CMSS1: variants seen among roughly 807,000 people sequenced by gnomAD.
The protein encoded by CMSS1 is protein CMSS1.
CMSS1 carries 33 observed loss-of-function variants against 43.5 expected under a neutral mutation model. The observed-to-expected ratio is 0.76, with a 90% CI of 0.57 to 1.01. CMSS1 has a LOEUF of 1.01. CMSS1 is among the 50% of genes least tolerant of loss of function. The pLI is 0.00. For synonymous variants in CMSS1, 115 were observed against 117.2 expected, an observed-to-expected ratio of 0.98 and a Z score of 0.12; for missense variants, 313 against 326.4, an observed-to-expected ratio of 0.96 and a Z score of 0.32.
At chr3:100,122,408 C>T (rs1018124176) in intron 1 of CMSS1, among the ~76,000 whole-genome samples, 1 of 152,230 alleles carries the variant, frequency 6.6e-6, no homozygotes, top group Admixed American at 6.5e-5. Flanking sequence ...ACAAGACTGG[C>T]ACCCAGGGTA....
chr3:100,102,267 T>G (rs1013153636), intron 1 of CMSS1, among the ~76,000 whole-genome samples: 2 of 152,250 alleles, frequency 1.3e-5, no homozygotes, highest in African/African-American at 4.8e-5. Context: ...TTTCTCCACA[T>G]CCTCTCCAGC....
At chr3:99,840,945 G>A (rs939621521) in intron 1 of CMSS1, among the ~76,000 whole-genome samples, 1 of 152,196 alleles carries the variant, frequency 6.6e-6, no homozygotes, top group South Asian at 2.1e-4. Context: ...GAGATTGACA[G>A]TTTCCCACTT....
rs184423486 is a variant in CMSS1 at position 99,922,731 on chromosome 3, G to A, written c.64+104688G>A. Among the ~76,000 whole-genome samples, 3 of 152,236 alleles carry A rather than the reference G, an allele frequency of 2.0e-5. No individual in the cohort carries two copies. The East Asian group carries it at 5.8e-4, about 29-fold the overall frequency. On this transcript the variant is annotated intron_variant, in intron 1 of 9. Coordinates refer to ENST00000421999, the MANE Select transcript of CMSS1 (RefSeq NM_032359.4). ...TATGGATGCTTATACTGTCTACAGT[G>A]GTTCAGAATAGAGGGTCAAAGTAGA... is the stretch of plus-strand genomic sequence containing the variant.
chr3:99,994,751 G>T (rs945622138), intron 1 of CMSS1, among the ~76,000 whole-genome samples: 1 of 152,130 alleles, frequency 6.6e-6, no homozygotes, highest in African/African-American at 2.4e-5. Flanking sequence ...GAGGCAAAAG[G>T]CACTTCTTAC....
At chr3:100,062,191 A>C (rs1390672780) in intron 1 of CMSS1, among the ~76,000 whole-genome samples, 2 of 137,486 alleles carry the variant, frequency 1.5e-5, no homozygotes, top group East Asian at 4.3e-4. Flanking sequence ...GGCTCACTGC[A>C]AGCTCCGCCT....
chr3:100,125,160 A>G (rs1030393881), intron 1 of CMSS1, among the ~76,000 whole-genome samples: 1 of 152,162 alleles, frequency 6.6e-6, no homozygotes, highest in African/African-American at 2.4e-5. Context: ...CACACCATTT[A>G]TTCCCTGGCT....
At chr3:100,065,312 C>T (rs933897944) in intron 1 of CMSS1, among the ~76,000 whole-genome samples, 1 of 152,130 alleles carries the variant, frequency 6.6e-6, no homozygotes, top group Non-Finnish European at 1.5e-5. Context: ...AACCATTGCT[C>T]TAAATTGCAA....
intron 1 of CMSS1, among the ~76,000 whole-genome samples, chr3:99,963,405 G>C (rs1708550989): frequency 6.6e-6 from 1 of 152,104 alleles, no homozygotes; most frequent in Non-Finnish European, 1.5e-5. Flanking sequence ...GTAAAAATAA[G>C]AGTGGGCTGT....
intron 1 of CMSS1, among the ~76,000 whole-genome samples, chr3:99,999,755 T>C (rs1709788627): frequency 6.6e-6 from 1 of 152,222 alleles, no homozygotes; most frequent in Non-Finnish European, 1.5e-5. Context: ...TCATGGTCTC[T>C]TGCTCAATGG....
chr3:99,880,738 G>A (rs1320559355), intron 1 of CMSS1, among the ~76,000 whole-genome samples: 2 of 151,958 alleles, frequency 1.3e-5, no homozygotes, highest in Non-Finnish European at 1.5e-5. Context: ...TTTGGAAAAT[G>A]CATAAAAGTA....
rs141077616 is a variant in CMSS1, at chr3:100,089,943, G to A, written c.65-57030G>A. 4.6e-3 allele frequency among the ~76,000 whole-genome samples: 707 copies of A among 152,258 alleles called. 2 individuals are homozygous for A. Among genetic ancestry groups the A allele is most frequent in the South Asian group, 7.1e-3 (34 of 4,822 alleles). ...CAGATGATCTCTAAGACCTCCTCTAGTACTGAACAAAATTGGAGGGAGGAA... is the reference window on the plus strand; with the variant it reads ...CAGATGATCTCTAAGACCTCCTCTAATACTGAACAAAATTGGAGGGAGGAA... On this transcript the variant is annotated intron_variant, in intron 1 of 9. Coordinates refer to ENST00000421999, the MANE Select transcript of CMSS1 (RefSeq NM_032359.4).
intron 1 of CMSS1, among the ~76,000 whole-genome samples, chr3:99,966,577 A>G (rs1354986956): frequency 6.6e-6 from 1 of 152,204 alleles, no homozygotes; most frequent in Non-Finnish European, 1.5e-5. Context: ...AACAAGTAGG[A>G]CAACTATTAT....
chr3:99,957,162 G>A (rs1708343767), intron 1 of CMSS1, among the ~76,000 whole-genome samples: 2 of 152,194 alleles, frequency 1.3e-5, no homozygotes, highest in Non-Finnish European at 2.9e-5. Context: ...ACTGTATGAA[G>A]TAGAGGAGTG....
At chr3:99,823,539 T>C (rs1942480690) in intron 1 of CMSS1, among the ~76,000 whole-genome samples, 1 of 152,230 alleles carries the variant, frequency 6.6e-6, no homozygotes, top group Admixed American at 6.5e-5. Flanking sequence ...ATCCTGATTC[T>C]TTCTTTGCAT....
chr3:100,139,278 C>G (rs149634758), intron 1 of CMSS1, among the ~76,000 whole-genome samples: 1,650 of 152,046 alleles, frequency 0.011, 27 homozygotes, highest in African/African-American at 0.038. Flanking sequence ...ATGTAACAAA[C>G]CTGCACGTTC....
chr3:99,921,077 T>C (rs1179395634), intron 1 of CMSS1, among the ~76,000 whole-genome samples: 1 of 152,182 alleles, frequency 6.6e-6, no homozygotes, highest in Admixed American at 6.5e-5. Flanking sequence ...TACAACACTT[T>C]GTTTGAGGAA....
rs576596012 is a variant in CMSS1, at chr3:99,849,203, C to A, written c.64+31160C>A. 1.2e-6 allele frequency: 2 copies of A among 1,614,126 alleles called. No individual in the cohort carries two copies. Among genetic ancestry groups the A allele is most frequent in the South Asian group, 2.2e-5 (2 of 91,078 alleles). ...TTCTCACTCTCCTCATATAACTGAC[C>A]ATTGATGACTGCACGTTCCAGAGGA... is the stretch of plus-strand genomic sequence containing the variant. On this transcript the variant is annotated intron_variant, in intron 1 of 9. Coordinates refer to ENST00000421999, the MANE Select transcript of CMSS1 (RefSeq NM_032359.4).
chr3:100,021,315 C>T (rs1029427655), intron 1 of CMSS1, among the ~76,000 whole-genome samples: 3 of 152,164 alleles, frequency 2.0e-5, no homozygotes, highest in Non-Finnish European at 4.4e-5. Context: ...AAGTGAGGCT[C>T]AGGTTTTTGT....
intron 1 of CMSS1, among the ~76,000 whole-genome samples, chr3:99,896,227 G>T (rs941357083): frequency 6.6e-6 from 1 of 152,180 alleles, no homozygotes; most frequent in African/African-American, 2.4e-5. Context: ...TCCTTTCCTG[G>T]CAAATAAGTG....
Sources: allele counts gnomAD v4.1 joint callset (sites outside exome capture counted in the v4.1 genomes callset), GRCh38; gene constraint gnomAD v4.1.1; transcripts MANE v1.5; gene names NCBI Gene and HGNC (gene_info 2026-07-23, HGNC 2026-07-21).